The following SMARCD2 variants were observed in gnomAD, a reference collection of about 807,000 sequenced individuals.
SMARCD2 encodes SWI/SNF related BAF chromatin remodeling complex subunit D2, also known as SWI/SNF-related matrix-associated actin-dependent regulator of chromatin subfamily D member 2.
A neutral mutation model predicts 70.4 loss-of-function variants in SMARCD2; 39 were observed. The ratio of observed to expected loss-of-function variants is 0.55; its 90% confidence interval spans 0.43 to 0.72. The LOEUF (loss-of-function observed/expected upper bound fraction) is 0.72. SMARCD2 is among the 30% of genes least tolerant of loss of function. SMARCD2 has a pLI of 0.00. For missense variants in SMARCD2, 540 were observed against 713.4 expected (o/e 0.76, Z 2.77); for synonymous variants, 249 against 279.4 (o/e 0.89, Z 1.08).
Position 63,837,892 on chromosome 17 carries a change from G to A in SMARCD2, c.217-267C>T, listed in dbSNP as rs1247934691. Among the ~76,000 whole-genome samples, 1 of 152,160 alleles carries A rather than the reference G, an allele frequency of 6.6e-6. No individual in the cohort carries two copies. Among genetic ancestry groups the A allele is most frequent in the Admixed American group, 6.5e-5 (1 of 15,282 alleles). ...CTGGGAGGAGGGTCCTGCCTGCAGA[G>A]GGAAGGGCCTTGGGGAGCTTTTCAG... On this transcript the variant is annotated intron_variant, in intron 1 of 12. Coordinates refer to ENST00000448276, the MANE Select transcript of SMARCD2 (RefSeq NM_001098426.2). This position sits in a 1 kb window ranked among gnomAD's most constrained non-coding sequence, Gnocchi z 6.4.
At position 63,836,912 on chromosome 17, in the gene SMARCD2, C is replaced by T. The variant is rs748519099; in HGVS notation, c.567+10G>A. ...CTGGGAAGGCTAGAGGTGGTCAGGGCCACACATACTGTCAGAGGCTTTTTG... is the reference window on the plus strand; with the variant it reads ...CTGGGAAGGCTAGAGGTGGTCAGGGTCACACATACTGTCAGAGGCTTTTTG... On this transcript the variant is annotated intron_variant, in intron 4 of 12. Transcript: ENST00000448276. 1 of 1,611,688 alleles carries T rather than the reference C, an allele frequency of 6.2e-7. No homozygotes were observed. The highest frequency in any genetic ancestry group is 1.1e-5 in the South Asian group (1 of 91,024).
Position 63,842,684 on chromosome 17 carries a change from C to T in SMARCD2, c.-10G>A. On this transcript the variant is annotated 5_prime_UTR_variant, in exon 1 of 13. Transcript: ENST00000448276. ...CGCCTCGGCCCGACATCGCTCCGTC[C>T]CGTCCCGCGGTGCCGCGATCCGGAC... 7.6e-7 allele frequency: 1 copy of T among 1,315,922 alleles called. No individual in the cohort carries two copies. 81.5% of individuals were successfully genotyped at this position (1,315,922 alleles called of 1,614,324 possible).
In SMARCD2 at chr17:63,835,406, A is replaced by T; in HGVS notation, c.723+6T>A. 1 of 1,611,908 alleles carries T rather than the reference A, an allele frequency of 6.2e-7. No homozygotes were observed. Among genetic ancestry groups the T allele is most frequent in the African/African-American group, 1.3e-5 (1 of 74,920 alleles). On this transcript the variant is annotated splice_donor_region_variant and intron_variant, in intron 5 of 12. Transcript: ENST00000448276. ...CTTCCCTCCAGAACCTCCCTCCCCA[A>T]CTCACATCATCCAGCAGTTTTCCTT...
chr17:63,834,510 G>A lies in SMARCD2; in HGVS notation c.885C>T (p.Asn295=), dbSNP rs754925736. 5.0e-6 allele frequency: 8 copies of A among 1,604,648 alleles called. No homozygotes were observed. The Admixed American group carries it at 5.1e-5, about 10-fold the overall frequency. ...GFQVKRPGDL[N]VKCTLLLMLD... ...GCATGAGCAGGAGGGTGCACTTGAC[G>A]TTGAGGTCTCCAGGCCGTTTTACTT... The change falls in exon 7 of 13, where the codon AAC becomes AAT. Residue 295 remains asparagine (N), a synonymous_variant. Transcript: ENST00000448276. This position sits in a 1 kb window ranked among gnomAD's most constrained non-coding sequence, Gnocchi z 5.6.
In SMARCD2 at chr17:63,834,434, G is replaced by T. The variant is rs2040238400; in HGVS notation, c.921+40C>A. ...TAGGAACCAGCTCCCCTCCTGAGGG[G>T]TCCCTGTGGGCCCAGAAATGACCCC... On this transcript the variant is annotated intron_variant, in intron 7 of 12. Transcript: ENST00000448276. The surrounding 1 kb of genome is among the most constrained non-coding windows in gnomAD (Gnocchi z 5.6). The T allele has an allele frequency of 6.4e-7, 1 of 1,553,694 alleles. No individual in the cohort carries two copies. The highest frequency in any genetic ancestry group is 8.8e-7 in the Non-Finnish European group (1 of 1,139,352).
At chr17:63,836,818 T>C in intron 4 of SMARCD2, 104 bp downstream of exon 4, 1 of 1,057,038 alleles carries the variant, frequency 9.5e-7, no homozygotes, top group Non-Finnish European at 1.4e-6. Flanking sequence ...GCATCCTGCA[T>C]GTGAAAAACC....
At position 63,834,522 on chromosome 17, in the gene SMARCD2, A is replaced by G. The variant is rs1052657122; in HGVS notation, c.873T>C (p.Pro291=). ...GGGTGCACTTGACGTTGAGGTCTCC[A>G]GGCCGTTTTACTTGGAAGCCATCTG... ...QETDGFQVKR[P]GDLNVKCTLL... is the part of the protein sequence containing the mutation. Residue 291 remains proline (P), a synonymous_variant, in exon 7 of 13, where the codon CCT becomes CCC. Coordinates refer to ENST00000448276, the MANE Select transcript of SMARCD2 (RefSeq NM_001098426.2). The surrounding 1 kb of genome is among the most constrained non-coding windows in gnomAD (Gnocchi z 5.6). 6.2e-7 allele frequency: 1 copy of G among 1,606,658 alleles called. No homozygotes were observed. The highest frequency in any genetic ancestry group is 1.3e-5 in the African/African-American group (1 of 74,700).
In SMARCD2 at chr17:63,834,042, G is replaced by A. The variant is rs2040232314; in HGVS notation, c.1084-36C>T. The A allele has an allele frequency of 6.3e-7, 1 of 1,599,596 alleles. No individual in the cohort carries two copies. The highest frequency in any genetic ancestry group is 1.7e-4 in the Middle Eastern group (1 of 6,034). Reference sequence around the variant, plus strand: ...TACGAAAGGCTCAGCGTTGGCTTGTGGGCACAGTGGAGTGGACCATTCCAG... The same window carrying A: ...TACGAAAGGCTCAGCGTTGGCTTGTAGGCACAGTGGAGTGGACCATTCCAG... On this transcript the variant is annotated intron_variant, in intron 8 of 12. Coordinates refer to ENST00000448276, the MANE Select transcript of SMARCD2 (RefSeq NM_001098426.2). This position sits in a 1 kb window ranked among gnomAD's most constrained non-coding sequence, Gnocchi z 5.6.
At chr17:63,835,870 A>G (rs1398531944) in intron 4 of SMARCD2, among the ~76,000 whole-genome samples, 1 of 152,078 alleles carries the variant, frequency 6.6e-6, no homozygotes. Context: ...CTGGGACTAC[A>G]GGTGCGCACC....
Position 63,832,758 on chromosome 17 carries a change from T to TAA in SMARCD2, c.*178_*179dup. 1 of 636,662 alleles carries TAA rather than the reference T, an allele frequency of 1.6e-6. No homozygotes were observed. Among genetic ancestry groups the TAA allele is most frequent in the East Asian group, 2.7e-5 (1 of 36,468 alleles). 39.4% of individuals were successfully genotyped at this position (636,662 alleles called of 1,614,324 possible). ...CCAATTAAAGCCAATGCAAAAAGTATAAGGCTTTGGGGACCAAGCAACAAG... is the reference window on the plus strand; with the variant it reads ...CCAATTAAAGCCAATGCAAAAAGTATAAAAGGCTTTGGGGACCAAGCAACAAG... On this transcript the variant is annotated 3_prime_UTR_variant, in exon 13 of 13. Coordinates refer to ENST00000448276, the MANE Select transcript of SMARCD2 (RefSeq NM_001098426.2).
At chr17:63,839,144 CT>C in intron 1 of SMARCD2, 1 of 985,278 alleles carries the variant, frequency 1.0e-6, no homozygotes, top group Non-Finnish European at 1.2e-6. Flanking sequence ...AAAGATTGTT[CT>C]TTCTCTGGCC....
rs1021051498 is a variant in SMARCD2, at chr17:63,834,844, A to G, written c.724-44T>C. 7.6e-7 allele frequency: 1 copy of G among 1,307,812 alleles called. No homozygotes were observed. The highest frequency in any genetic ancestry group is 1.1e-6 in the Non-Finnish European group (1 of 902,158). 81.0% of individuals were successfully genotyped at this position (1,307,812 alleles called of 1,614,324 possible). A position where few individuals can be genotyped will look rare whatever the true frequency, so the allele number is the denominator to read the frequency against. On this transcript the variant is annotated intron_variant, in intron 5 of 12. Coordinates refer to ENST00000448276, the MANE Select transcript of SMARCD2 (RefSeq NM_001098426.2). The surrounding 1 kb of genome is among the most constrained non-coding windows in gnomAD (Gnocchi z 5.6). The stretch of plus-strand genomic sequence containing the variant: ...GTGAGATGGTGCTGCTGAGCTCTCA[A>G]ATCTCAAGCTATGCTAAATCCCAAG...
rs1369466405 is a variant in SMARCD2, at chr17:63,832,273, TC to T, written c.*664del. 3.7e-5 allele frequency: 15 copies of T among 402,260 alleles called. No individual in the cohort carries two copies. Among genetic ancestry groups the T allele is most frequent in the South Asian group, 1.6e-4 (5 of 31,812 alleles). 24.9% of individuals were successfully genotyped at this position (402,260 alleles called of 1,614,324 possible). A position where few individuals can be genotyped will look rare whatever the true frequency, so the allele number is the denominator to read the frequency against. On this transcript the variant is annotated 3_prime_UTR_variant, in exon 13 of 13. Transcript: ENST00000448276. The stretch of plus-strand genomic sequence containing the variant: ...CATGCTAGAGAACTGGAGTGTCCCC[TC>T]CCCGGCCCAAGCCGCTGGAGAGGCA...
intron 4 of SMARCD2, among the ~76,000 whole-genome samples, chr17:63,836,436 T>C (rs1370810813): frequency 6.7e-6 from 1 of 148,580 alleles, no homozygotes; most frequent in African/African-American, 2.5e-5. Context: ...GATGCGAAGG[T>C]TGCAGTGAGC....
chr17:63,839,964 TAA>T (rs1290613164), intron 1 of SMARCD2, among the ~76,000 whole-genome samples: 1 of 151,928 alleles, frequency 6.6e-6, no homozygotes, highest in Non-Finnish European at 1.5e-5. Flanking sequence ...TCGTCTCTAC[TAA>T]AAATACAAAA....
Position 63,834,728 on chromosome 17 carries a change from C to G in SMARCD2, c.796G>C (p.Gly266Arg). 6.2e-7 allele frequency: 1 copy of G among 1,613,468 alleles called. No homozygotes were observed. Among genetic ancestry groups the G allele is most frequent in the Non-Finnish European group, 8.5e-7 (1 of 1,179,382 alleles). ...ACCTCCACCAGGTGATTGTCAGGCCCGTACAGCTCCTTGTCCAGCTCAATG... is the reference window on the plus strand; with the variant it reads ...ACCTCCACCAGGTGATTGTCAGGCCGGTACAGCTCCTTGTCCAGCTCAATG... ...LVIELDKELYGPDNHLVEWHR... is the reference protein window; with the variant it reads ...LVIELDKELYRPDNHLVEWHR... The change falls in exon 6 of 13, where the codon GGG (glycine) becomes CGG (arginine). Residue 266 changes from glycine (G) to arginine (R), a missense_variant. By Grantham distance (125) the Gly-to-Arg change is moderately radical (BLOSUM62 -2). Transcript: ENST00000448276. This position sits in a 1 kb window ranked among gnomAD's most constrained non-coding sequence, Gnocchi z 5.6.
intron 1 of SMARCD2, among the ~76,000 whole-genome samples, chr17:63,841,304 G>A (rs750163582): frequency 6.6e-6 from 1 of 152,238 alleles, no homozygotes; most frequent in Admixed American, 6.5e-5. Flanking sequence ...CCTTAGAAGT[G>A]AGGGCCCAGT....
At position 63,834,163 on chromosome 17, in the gene SMARCD2, T is replaced by C; in HGVS notation, c.1083+4A>G. On this transcript the variant is annotated splice_donor_region_variant and intron_variant, in intron 8 of 12. Coordinates refer to ENST00000448276, the MANE Select transcript of SMARCD2 (RefSeq NM_001098426.2). The surrounding 1 kb of genome is among the most constrained non-coding windows in gnomAD (Gnocchi z 5.6). ...GAGAAAACGGGGGCTGGCATCTGGCTAACCTGGCGGAAGTAACGGTTGCAG... is the reference window on the plus strand; with the variant it reads ...GAGAAAACGGGGGCTGGCATCTGGCCAACCTGGCGGAAGTAACGGTTGCAG... 3 of 1,609,008 alleles carry C rather than the reference T, an allele frequency of 1.9e-6. No homozygotes were observed. Among genetic ancestry groups the C allele is most frequent in the Non-Finnish European group, 2.5e-6 (3 of 1,177,354 alleles).
intron 4 of SMARCD2, chr17:63,836,709 AC>A: frequency 1.9e-6 from 1 of 512,862 alleles, no homozygotes; most frequent in South Asian, 3.0e-5. Flanking sequence ...TATGGTAAGT[AC>A]TACTGTGAAG....
Sources: allele counts gnomAD v4.1 joint callset (sites outside exome capture counted in the v4.1 genomes callset), GRCh38; gene constraint gnomAD v4.1.1; non-coding constraint Gnocchi (gnomAD v3.1); transcripts MANE v1.5; gene names NCBI Gene and HGNC (gene_info 2026-07-23, HGNC 2026-07-21).